The following CDH13 variants were observed in gnomAD, a reference collection of about 807,000 sequenced individuals.
CDH13 encodes cadherin 13.
A neutral mutation model predicts 63.8 loss-of-function variants in CDH13; 24 were observed. That is an observed-to-expected ratio of 0.38 (90% CI 0.27 to 0.53). The LOEUF (loss-of-function observed/expected upper bound fraction) is 0.53, where lower values mean the gene tolerates loss of function less well. Among genes scored for constraint, CDH13 ranks in the 20% least tolerant of loss-of-function variants. CDH13 has a pLI of 0.85. For synonymous variants in CDH13, 503 were observed against 355.3 expected (o/e 1.42, Z -4.67); for missense variants, 1,049 against 903.1 (o/e 1.16, Z -2.07).
intron 1 of CDH13, among the ~76,000 whole-genome samples, chr16:82,809,662 G>A (rs1296686631): frequency 2.0e-5 from 3 of 152,056 alleles, no homozygotes; most frequent in African/African-American, 7.2e-5. Flanking sequence ...GCAACATAAA[G>A]GTATTAAAGT....
chr16:83,576,783 G>A (rs1013681520), intron 7 of CDH13, among the ~76,000 whole-genome samples: 19 of 152,168 alleles, frequency 1.2e-4, no homozygotes, highest in East Asian at 5.8e-4. Flanking sequence ...TTTTTCATGT[G>A]TTCATTGGCC....
Position 83,213,719 on chromosome 16 carries a change from A to G in CDH13, c.484-3626A>G, listed in dbSNP as rs2039404743. 2.0e-5 allele frequency among the ~76,000 whole-genome samples: 3 copies of G among 152,326 alleles called. No individual in the cohort carries two copies. The South Asian group carries it at 6.2e-4, about 32-fold the overall frequency. On this transcript the variant is annotated intron_variant, in intron 4 of 13. Coordinates refer to ENST00000567109, the MANE Select transcript of CDH13 (RefSeq NM_001257.5). ...AGGAGAACAAGAGGAAGGAGTTTTA[A>G]TCCATATTTGGGCAAAGGTGGTAAT...
At chr16:83,673,929 T>C (rs1219605407) in intron 9 of CDH13, among the ~76,000 whole-genome samples, 3 of 152,290 alleles carry the variant, frequency 2.0e-5, no homozygotes, top group African/African-American at 7.2e-5. Context: ...GCTTTGCTAG[T>C]GAGTGGACTT....
In CDH13 at chr16:83,069,675, G is replaced by A. The variant is rs2032292211; in HGVS notation, c.366+37457G>A. Reference sequence around the variant, plus strand: ...CTGCTTCCTCCAGCCTCATCCTCTTGTCTTTTCCTGGGCTGGGGCCATCCT... The same window carrying A: ...CTGCTTCCTCCAGCCTCATCCTCTTATCTTTTCCTGGGCTGGGGCCATCCT... On this transcript the variant is annotated intron_variant, in intron 3 of 13. Coordinates refer to ENST00000567109, the MANE Select transcript of CDH13 (RefSeq NM_001257.5). 2.6e-5 allele frequency among the ~76,000 whole-genome samples: 4 copies of A among 152,090 alleles called. No homozygotes were observed. In the South Asian group the frequency reaches 8.3e-4, roughly 32 times the overall value.
At chr16:83,692,865 C>T (rs572983264) in intron 10 of CDH13, among the ~76,000 whole-genome samples, 50 of 152,206 alleles carry the variant, frequency 3.3e-4, no homozygotes, top group Admixed American at 2.5e-3. Flanking sequence ...AGGTGGATCA[C>T]GAGGTCAGGA....
intron 3 of CDH13, among the ~76,000 whole-genome samples, chr16:83,054,548 C>G (rs2030724864): frequency 1.3e-5 from 2 of 151,980 alleles, no homozygotes; most frequent in Non-Finnish European, 2.9e-5. Flanking sequence ...AGTCACACTA[C>G]TCAGAATGGC....
chr16:83,264,868 T>C (rs892696085), intron 5 of CDH13, among the ~76,000 whole-genome samples: 66 of 152,272 alleles, frequency 4.3e-4, no homozygotes, highest in South Asian at 4.1e-4. Context: ...GATATGGCTG[T>C]CAAACTATGC....
intron 2 of CDH13, among the ~76,000 whole-genome samples, chr16:82,911,796 C>G (rs1208234372): frequency 6.6e-6 from 1 of 152,036 alleles, no homozygotes; most frequent in African/African-American, 2.4e-5. Flanking sequence ...AGGCTCCTGT[C>G]CTGGAATCCT....
At chr16:82,688,038 G>A (rs997064447) in intron 1 of CDH13, among the ~76,000 whole-genome samples, 3 of 152,170 alleles carry the variant, frequency 2.0e-5, no homozygotes, top group Non-Finnish European at 2.9e-5. Flanking sequence ...CTATATGGCA[G>A]CAATGGTTCA....
chr16:83,286,945 G>A (rs561188073), intron 5 of CDH13, among the ~76,000 whole-genome samples: 67 of 151,954 alleles, frequency 4.4e-4, no homozygotes, highest in Middle Eastern at 3.4e-3. Flanking sequence ...TGCCATGCCC[G>A]TGCTCCTATG....
At position 83,794,626 on chromosome 16, in the gene CDH13, C is replaced by CATATATATATATATATATATATAT. The variant is rs34550866; in HGVS notation, c.2135-380_2135-379insTATATATATATATATATATATATA. Among the ~76,000 whole-genome samples the CATATATATATATATATATATATAT allele has an allele frequency of 3.1e-4, 46 of 149,184 alleles. 1 individual carries two copies. The highest frequency in any genetic ancestry group is 1.1e-3 in the African/African-American group (45 of 40,556). ...CTGTGACTTGTGATCCTTAAGTCAA[C>CATATATATATATATATATATATAT]ATATATATATATATATAGTCACAGG... On this transcript the variant is annotated intron_variant, in intron 13 of 13. Transcript: ENST00000567109.
chr16:83,199,955 G>C lies in CDH13; in HGVS notation c.484-17390G>C, dbSNP rs371125868. On this transcript the variant is annotated intron_variant, in intron 4 of 13. Coordinates refer to ENST00000567109, the MANE Select transcript of CDH13 (RefSeq NM_001257.5). ...CACGGGGGCAGGAATGGTGGCTATT[G>C]CTCGGGACCTAGAGAAATGAAGGCA... is the stretch of plus-strand genomic sequence containing the variant. Among the ~76,000 whole-genome samples the C allele has an allele frequency of 1.1e-4, 17 of 152,300 alleles. No individual in the cohort carries two copies. In the East Asian group the frequency reaches 2.3e-3, roughly 21 times the overall value.
At chr16:82,697,767 G>A (rs868004969) in intron 1 of CDH13, among the ~76,000 whole-genome samples, 8 of 147,828 alleles carry the variant, frequency 5.4e-5, no homozygotes, top group African/African-American at 1.8e-4. Flanking sequence ...GTGTGTGTGT[G>A]TGTGTGTGTG....
chr16:83,299,499 G>C (rs577337704), intron 5 of CDH13, among the ~76,000 whole-genome samples: 1 of 152,104 alleles, frequency 6.6e-6, no homozygotes, highest in Non-Finnish European at 1.5e-5. Flanking sequence ...CTGCTTTTCC[G>C]TGGCATGTCA....
At chr16:83,566,475 T>G (rs1904281378) in intron 7 of CDH13, among the ~76,000 whole-genome samples, 1 of 151,750 alleles carries the variant, frequency 6.6e-6, no homozygotes, top group South Asian at 2.1e-4. Flanking sequence ...TACTGTTAGA[T>G]AAGGTTCCTG....
chr16:83,326,195 C>T (rs1322794706), intron 5 of CDH13, among the ~76,000 whole-genome samples: 1 of 152,004 alleles, frequency 6.6e-6, no homozygotes, highest in Non-Finnish European at 1.5e-5. Flanking sequence ...TCTTTTTAAC[C>T]AGAATTTTTC....
intron 1 of CDH13, among the ~76,000 whole-genome samples, chr16:82,688,288 C>G (rs548592056): frequency 6.6e-6 from 1 of 152,154 alleles, no homozygotes; most frequent in Non-Finnish European, 1.5e-5. Context: ...GGTTTCTGAT[C>G]TACAAATCTA....
intron 2 of CDH13, among the ~76,000 whole-genome samples, chr16:82,976,070 A>G (rs1311087905): frequency 6.6e-6 from 1 of 152,230 alleles, no homozygotes; most frequent in South Asian, 2.1e-4. Context: ...GTAACAAAGC[A>G]AAGAAGAAAT....
intron 1 of CDH13, among the ~76,000 whole-genome samples, chr16:82,737,942 C>T (rs1277744247): frequency 6.6e-6 from 1 of 152,180 alleles, no homozygotes; most frequent in Non-Finnish European, 1.5e-5. Flanking sequence ...TTCCTTATGC[C>T]CCTCCAGTGT....
Sources: gnomAD v4.1 joint callset for allele counts (sites outside exome capture counted in the v4.1 genomes callset) on GRCh38, gnomAD v4.1.1 for gene constraint, MANE v1.5 for transcripts, NCBI Gene and HGNC (gene_info 2026-07-23, HGNC 2026-07-21) for gene names.